The following PLAC1 variants were observed in gnomAD, a reference collection of about 807,000 sequenced individuals.
PLAC1 encodes placenta associated 1.
For missense variants in PLAC1, 136 were observed against 163.2 expected (o/e 0.83, Z 0.91); for synonymous variants, 68 against 62.1 (o/e 1.09, Z -0.44).
At chrX:134,745,042 G>A (rs769381091) in intron 1 of PLAC1, among the ~76,000 whole-genome samples, 6 of 111,347 alleles carry the variant, frequency 5.4e-5, no homozygotes, top group Non-Finnish European at 1.1e-4. Context: ...AAAGCTTTTG[G>A]CTCATAAAAC....
chrX:134,662,927 T>TCAAA (rs1310319182), upstream of PLAC1, among the ~76,000 whole-genome samples: 1 of 111,946 alleles, frequency 8.9e-6, no homozygotes, highest in Non-Finnish European at 1.9e-5. Flanking sequence ...AGATCCTGTC[T>TCAAA]CAAACAAACA....
At chrX:134,569,783 TG>T (rs1425956815) in intron 2 of PLAC1, among the ~76,000 whole-genome samples, 2 of 101,517 alleles carry the variant, frequency 2.0e-5, no homozygotes, top group African/African-American at 8.0e-5. Context: ...TGTGTGTGTG[TG>T]TGTTTGTGTG....
chrX:134,624,908 TGATA>T (rs58742246), intron 1 of PLAC1, among the ~76,000 whole-genome samples: 31,550 of 103,216 alleles, frequency 0.31, 3,892 homozygotes, highest in African/African-American at 0.32. Context: ...GACAGATAAA[TGATA>T]GATAGATAGA....
chrX:134,575,302 C>T (rs1265292508), intron 2 of PLAC1, among the ~76,000 whole-genome samples: 1 of 111,105 alleles, frequency 9.0e-6, no homozygotes, highest in African/African-American at 3.3e-5. Context: ...GAAGATTTGA[C>T]TTTGGGTGTG....
At chrX:134,709,008 G>A (rs1241460637) in intron 2 of PLAC1, among the ~76,000 whole-genome samples, 1 of 111,848 alleles carries the variant, frequency 8.9e-6, no homozygotes, top group Non-Finnish European at 1.9e-5. Flanking sequence ...TACCATATTT[G>A]CATCTTCCCG....
intron 1 of PLAC1, among the ~76,000 whole-genome samples, chrX:134,745,330 A>G (rs1442446740): frequency 9.0e-6 from 1 of 111,600 alleles, no homozygotes; most frequent in Non-Finnish European, 1.9e-5. Flanking sequence ...GCCCATTCCC[A>G]AGCCAATCCT....
intron 1 of PLAC1, among the ~76,000 whole-genome samples, chrX:134,635,695 T>C (rs186927240): frequency 1.0e-3 from 115 of 111,400 alleles, no homozygotes; most frequent in African/African-American, 3.8e-3. Flanking sequence ...AAAACTTCCA[T>C]CCCCTCACTG....
At chrX:134,643,147 A>G (rs1320133864) in intron 1 of PLAC1, among the ~76,000 whole-genome samples, 1 of 112,214 alleles carries the variant, frequency 8.9e-6, no homozygotes, top group African/African-American at 3.2e-5. Context: ...ATTAATATTT[A>G]TACCAGTAAA....
intron 2 of PLAC1, among the ~76,000 whole-genome samples, chrX:134,725,426 G>C (rs2078670968): frequency 9.0e-6 from 1 of 111,436 alleles, no homozygotes; most frequent in Non-Finnish European, 1.9e-5. Context: ...AGCACGCATT[G>C]CAGTCACCTG....
chrX:134,723,597 GC>G (rs1167030049), intron 2 of PLAC1, among the ~76,000 whole-genome samples: 4 of 111,120 alleles, frequency 3.6e-5, no homozygotes, highest in African/African-American at 1.3e-4. Flanking sequence ...ACAGACATGA[GC>G]CCCAGCTCCC....
chrX:134,701,751 C>T (rs1413748386), intron 2 of PLAC1, among the ~76,000 whole-genome samples: 1 of 112,471 alleles, frequency 8.9e-6, no homozygotes, highest in Non-Finnish European at 1.9e-5. Context: ...GGCGCAGTGG[C>T]TCACGCCTGT....
chrX:134,696,740 T>A (rs905515165), intron 2 of PLAC1, among the ~76,000 whole-genome samples: 1 of 111,401 alleles, frequency 9.0e-6, no homozygotes, highest in Non-Finnish European at 1.9e-5. Context: ...TTTGAAAATG[T>A]CTGTTTGGCC....
chrX:134,572,980 A>G (rs2077917231), intron 2 of PLAC1, among the ~76,000 whole-genome samples: 1 of 112,048 alleles, frequency 8.9e-6, no homozygotes, highest in Admixed American at 9.6e-5. Flanking sequence ...TGCAAAATAA[A>G]TAAGAATCCA....
At chrX:134,715,990 G>A (rs746672866) in intron 2 of PLAC1, among the ~76,000 whole-genome samples, 1 of 112,906 alleles carries the variant, frequency 8.9e-6, no homozygotes, top group South Asian at 3.6e-4. Context: ...CCCAAAGGCC[G>A]GCCAGAGTGG....
chrX:134,700,414 A>T (rs1368486097), intron 2 of PLAC1, among the ~76,000 whole-genome samples: 1 of 111,864 alleles, frequency 8.9e-6, no homozygotes, highest in Non-Finnish European at 1.9e-5. Flanking sequence ...ATTGTATGAC[A>T]CTATGAATGC....
intron 2 of PLAC1, among the ~76,000 whole-genome samples, chrX:134,586,137 T>C (rs757940818): frequency 8.9e-6 from 1 of 111,934 alleles, no homozygotes; most frequent in Non-Finnish European, 1.9e-5. Flanking sequence ...TCTTCCTGAC[T>C]GTAAATCCTG....
At chrX:134,647,211 C>G (rs1400018531) in intron 1 of PLAC1, among the ~76,000 whole-genome samples, 2 of 111,715 alleles carry the variant, frequency 1.8e-5, no homozygotes, top group African/African-American at 6.5e-5. Context: ...TACATTTGAA[C>G]AGTATGCACC....
intron 2 of PLAC1, among the ~76,000 whole-genome samples, chrX:134,575,072 C>T (rs2077930350): frequency 9.0e-6 from 1 of 111,051 alleles, no homozygotes; most frequent in Non-Finnish European, 1.9e-5. Context: ...TGAATTCTCC[C>T]CTACCCCAAC....
chrX:134,678,430 T>C (rs1187180882), intron 2 of PLAC1, among the ~76,000 whole-genome samples: 2 of 111,669 alleles, frequency 1.8e-5, no homozygotes, highest in African/African-American at 6.5e-5. Context: ...CCTTCCCATG[T>C]CTGGTTCCAG....
Sources: allele counts gnomAD v4.1 joint callset (sites outside exome capture counted in the v4.1 genomes callset), GRCh38; gene constraint gnomAD v4.1.1; transcripts MANE v1.5; gene names NCBI Gene and HGNC (gene_info 2026-07-23, HGNC 2026-07-21).